Variants in WWOX observed in about 807,000 individuals in gnomAD.
The protein encoded by WWOX is WW domain-containing oxidoreductase.
WWOX carries 69 observed loss-of-function variants against 46.2 expected under a neutral mutation model. That is an observed-to-expected ratio of 1.49 (90% CI 1.23 to 1.82). WWOX has a LOEUF of 1.82. Ranked by LOEUF, WWOX falls within the 40% of genes most tolerant of loss-of-function variation. The pLI, the probability that WWOX is intolerant of heterozygous loss-of-function variation, is 0.00. For synonymous variants in WWOX, 359 were observed against 202.6 expected (o/e 1.77, Z -6.56); for missense variants, 919 against 542.6 (o/e 1.69, Z -6.89).
intron 8 of WWOX, among the ~76,000 whole-genome samples, chr16:78,967,942 C>T (rs888768179): frequency 6.6e-6 from 1 of 152,174 alleles, no homozygotes; most frequent in Non-Finnish European, 1.5e-5. Flanking sequence ...TTCCTCACCC[C>T]CAGTTCTGTG....
At chr16:79,040,845 C>G (rs190792147) in intron 8 of WWOX, among the ~76,000 whole-genome samples, 1 of 152,060 alleles carries the variant, frequency 6.6e-6, no homozygotes, top group East Asian at 1.9e-4. Flanking sequence ...GGATTTTTTT[C>G]CGATCACAGA....
chr16:78,283,299 G>A (rs2079712033), intron 5 of WWOX, among the ~76,000 whole-genome samples: 1 of 152,158 alleles, frequency 6.6e-6, no homozygotes, highest in South Asian at 2.1e-4. Flanking sequence ...CAGCACTGTA[G>A]TATTTACTGA....
chr16:79,164,557 C>T lies in WWOX; in HGVS notation c.1057-47051C>T, dbSNP rs535586362. Among the ~76,000 whole-genome samples, 50 of 152,234 alleles carry T rather than the reference C, an allele frequency of 3.3e-4. 2 individuals are homozygous for T. The highest frequency in any genetic ancestry group is 2.4e-3 in the Admixed American group (37 of 15,270). On this transcript the variant is annotated intron_variant, in intron 8 of 8. Coordinates refer to ENST00000566780, the MANE Select transcript of WWOX (RefSeq NM_016373.4). ...ACCTTCTATCAGGCCAAGTGACAGG[C>T]GTCCAGAGCAAGAATGCAGAGCTCA...
chr16:79,019,801 C>G (rs1264262293), intron 8 of WWOX, among the ~76,000 whole-genome samples: 2 of 152,144 alleles, frequency 1.3e-5, no homozygotes, highest in Non-Finnish European at 2.9e-5. Context: ...GCATCAGACT[C>G]AAAACCCAGC....
chr16:78,202,335 G>C (rs1178790770), intron 5 of WWOX, among the ~76,000 whole-genome samples: 1 of 152,224 alleles, frequency 6.6e-6, no homozygotes, highest in Non-Finnish European at 1.5e-5. Flanking sequence ...CAAACCCTTG[G>C]CCCATGCCTC....
intron 8 of WWOX, among the ~76,000 whole-genome samples, chr16:78,983,522 G>C (rs1597237021): frequency 6.6e-6 from 1 of 152,186 alleles, no homozygotes; most frequent in African/African-American, 2.4e-5. Context: ...AAGAAATGGG[G>C]TACGTTAAGA....
intron 8 of WWOX, among the ~76,000 whole-genome samples, chr16:78,712,703 A>G (rs1237855625): frequency 1.3e-5 from 2 of 152,134 alleles, no homozygotes; most frequent in Admixed American, 6.5e-5. Context: ...GTATAATAAT[A>G]TTTTAATTGA....
At chr16:78,849,665 C>G (rs952597288) in intron 8 of WWOX, among the ~76,000 whole-genome samples, 4 of 151,558 alleles carry the variant, frequency 2.6e-5, no homozygotes, top group Admixed American at 2.0e-4. Context: ...TATTTGAGGA[C>G]AAAACACAGT....
At chr16:78,710,473 C>CATATATATATATATATATATATATAT (rs544025863) in intron 8 of WWOX, among the ~76,000 whole-genome samples, 696 of 63,104 alleles carry the variant, frequency 0.011, 19 homozygotes, top group Middle Eastern at 0.016. Flanking sequence ...TAATGGATCT[C>CATATATATATATATATATATATATAT]ATATATATAT....
chr16:78,639,720 C>T (rs568524351), intron 8 of WWOX, among the ~76,000 whole-genome samples: 11 of 152,172 alleles, frequency 7.2e-5, no homozygotes, highest in South Asian at 4.2e-4. Context: ...CCCGCCACCA[C>T]GCCCAGCTAA....
rs372577067 is a variant in WWOX at position 78,678,089 on chromosome 16, T to A, written c.1056+245337T>A. Among the ~76,000 whole-genome samples the A allele has an allele frequency of 4.6e-5, 7 of 152,364 alleles. No homozygotes were observed. In the East Asian group the frequency reaches 7.7e-4, roughly 17 times the overall value. ...GTTTAATCTGTCTACTTGCTAATTG[T>A]CTCACTGCCCTCCCCCTCCCCACTG... On this transcript the variant is annotated intron_variant, in intron 8 of 8. Coordinates refer to ENST00000566780, the MANE Select transcript of WWOX (RefSeq NM_016373.4).
intron 8 of WWOX, among the ~76,000 whole-genome samples, chr16:78,976,257 C>G (rs555116404): frequency 6.6e-6 from 1 of 152,208 alleles, no homozygotes; most frequent in Non-Finnish European, 1.5e-5. Flanking sequence ...TTTAATCTTA[C>G]CAGCATCTTG....
chr16:78,780,288 G>A (rs894505245), intron 8 of WWOX: 7 of 152,152 alleles, frequency 4.6e-5, no homozygotes, highest in African/African-American at 9.7e-5. Flanking sequence ...TGTCTTCCCC[G>A]ACTCAAGAAG....
intron 6 of WWOX, among the ~76,000 whole-genome samples, chr16:78,400,698 G>C (rs28703737): frequency 6.6e-6 from 1 of 152,156 alleles, no homozygotes; most frequent in East Asian, 1.9e-4. Context: ...AGGAAGGAAA[G>C]CAGGGATCAT....
chr16:78,498,507 C>A (rs1280482127), intron 8 of WWOX, among the ~76,000 whole-genome samples: 1 of 152,026 alleles, frequency 6.6e-6, no homozygotes, highest in Non-Finnish European at 1.5e-5. Flanking sequence ...AGGTGTGAGG[C>A]TATTGATGAG....
chr16:78,919,045 A>T (rs913827584), intron 8 of WWOX, among the ~76,000 whole-genome samples: 2 of 152,238 alleles, frequency 1.3e-5, no homozygotes, highest in African/African-American at 4.8e-5. Flanking sequence ...GTTCAGTCAT[A>T]GCAGCCGCTG....
intron 8 of WWOX, among the ~76,000 whole-genome samples, chr16:78,956,693 C>T (rs1330008109): frequency 6.6e-6 from 1 of 152,062 alleles, no homozygotes; most frequent in African/African-American, 2.4e-5. Flanking sequence ...TCTCTTTGTG[C>T]ACACATCAAA....
intron 8 of WWOX, among the ~76,000 whole-genome samples, chr16:78,879,725 A>T (rs1218258134): frequency 2.0e-5 from 3 of 152,054 alleles, no homozygotes. Context: ...TAAAAATACA[A>T]AATTAGCCAG....
chr16:78,454,244 A>T (rs142248435), intron 8 of WWOX, among the ~76,000 whole-genome samples: 1 of 152,140 alleles, frequency 6.6e-6, no homozygotes, highest in Non-Finnish European at 1.5e-5. Context: ...ACAAATTCTG[A>T]TGGACAGATC....
Sources: allele counts gnomAD v4.1 joint callset (sites outside exome capture counted in the v4.1 genomes callset), GRCh38; gene constraint gnomAD v4.1.1; transcripts MANE v1.5; gene names NCBI Gene and HGNC (gene_info 2026-07-23, HGNC 2026-07-21).